The following PGM1 variants were observed in gnomAD, a reference collection of about 807,000 sequenced individuals.
PGM1 encodes the protein phosphoglucomutase-1.
A neutral mutation model predicts 55.6 loss-of-function variants in PGM1; 52 were observed. The ratio of observed to expected loss-of-function variants is 0.94; its 90% confidence interval spans 0.75 to 1.18. The LOEUF (loss-of-function observed/expected upper bound fraction) is 1.18. PGM1 is among the 50% of genes most tolerant of loss of function. The pLI is 0.00. For missense variants in PGM1, 724 were observed against 729.3 expected, an observed-to-expected ratio of 0.99 and a Z score of 0.08; for synonymous variants, 287 against 271.7, an observed-to-expected ratio of 1.06 and a Z score of -0.55.
intron 1 of PGM1, among the ~76,000 whole-genome samples, chr1:63,626,509 A>G (rs1203147764): frequency 2.0e-5 from 3 of 152,024 alleles, no homozygotes; most frequent in Non-Finnish European, 4.4e-5. Flanking sequence ...ACTTAGCATG[A>G]TGTTTTCCAG....
At chr1:63,600,904 TAAG>T (rs1207327085) in intron 1 of PGM1, among the ~76,000 whole-genome samples, 1 of 152,244 alleles carries the variant, frequency 6.6e-6, no homozygotes, top group Non-Finnish European at 1.5e-5. Context: ...CTTGGGATAA[TAAG>T]ATGTGTAATC....
chr1:63,608,226 T>C (rs1476343170), intron 1 of PGM1, among the ~76,000 whole-genome samples: 1 of 152,206 alleles, frequency 6.6e-6, no homozygotes, highest in African/African-American at 2.4e-5. Flanking sequence ...TAAGAGACAG[T>C]TCTTGCTGAG....
chr1:63,641,085 G>T (rs1011622361), intron 7 of PGM1, among the ~76,000 whole-genome samples: 2 of 152,220 alleles, frequency 1.3e-5, no homozygotes, highest in Admixed American at 6.5e-5. Context: ...GCCAAGGGAA[G>T]TCTCTCATGT....
chr1:63,593,727 C>T lies in PGM1; in HGVS notation c.239C>T (p.Ala80Val). The T allele has an allele frequency of 6.3e-7, 1 of 1,595,902 alleles. No individual in the cohort carries two copies. Among genetic ancestry groups the T allele is most frequent in the African/African-American group, 1.3e-5 (1 of 74,712 alleles). Residue 80 changes from alanine to valine, a missense_variant, in exon 1 of 11, where the codon GCC (alanine) becomes GTC (valine). Coordinates refer to ENST00000371084, the MANE Select transcript of PGM1 (RefSeq NM_002633.3). ...CAGCTCATCGCTCGCATCGCTGCCG[C>T]CAACGGGGTAAGGGATGCGCGGCCC... ...AIQLIARIAA[A>V]NGIGRLVIGQ...
chr1:63,636,026 GTTTTAAC>G (rs1649352270), intron 5 of PGM1, among the ~76,000 whole-genome samples: 1 of 152,184 alleles, frequency 6.6e-6, no homozygotes. Context: ...ATTGAAAACA[GTTTTAAC>G]TTTTTGGCAT....
chr1:63,638,616 T>C, intron 6 of PGM1, 69 bp from the exon 7 acceptor site: 1 of 992,404 alleles, frequency 1.0e-6, no homozygotes. Flanking sequence ...ACGATTGCCC[T>C]TTTCCGTCCC....
At chr1:63,615,550 CTTTTTTTTTTTT>C (rs1161161385) in intron 1 of PGM1, among the ~76,000 whole-genome samples, 718 of 63,034 alleles carry the variant, frequency 0.011, 8 homozygotes, top group African/African-American at 0.045. Flanking sequence ...TCTTCTTCTT[CTTTTTTTTTTTT>C]TTTTTTTTTT....
intron 1 of PGM1, among the ~76,000 whole-genome samples, chr1:63,605,995 A>G (rs997861674): frequency 3.3e-5 from 5 of 152,166 alleles, no homozygotes; most frequent in African/African-American, 1.2e-4. Context: ...CTGGACTTGG[A>G]CGGTATCATT....
At chr1:63,628,961 C>T (rs1044666322) in intron 1 of PGM1, among the ~76,000 whole-genome samples, 3 of 152,106 alleles carry the variant, frequency 2.0e-5, no homozygotes, top group African/African-American at 4.8e-5. Context: ...ATAAAATTTG[C>T]CCTTTTTACT....
At chr1:63,613,004 C>T in intron 1 of PGM1, among the ~76,000 whole-genome samples, 1 of 152,138 alleles carries the variant, frequency 6.6e-6, no homozygotes, top group African/African-American at 2.4e-5. Context: ...TATTGACTAT[C>T]TGTATGTGCC....
chr1:63,622,455 C>T (rs1648906387), intron 1 of PGM1, among the ~76,000 whole-genome samples: 1 of 152,170 alleles, frequency 6.6e-6, no homozygotes, highest in South Asian at 2.1e-4. Flanking sequence ...AGGACTTAAA[C>T]TGCTTCCCTA....
At chr1:63,594,788 C>CAAAAAAAA (rs34661751) in intron 1 of PGM1, among the ~76,000 whole-genome samples, 70 of 90,490 alleles carry the variant, frequency 7.7e-4, no homozygotes, top group African/African-American at 2.3e-3. Flanking sequence ...CTAAAAAATA[C>CAAAAAAAA]AAAAAAAAAA....
chr1:63,593,626 C>G lies in PGM1; in HGVS notation c.138C>G (p.Thr46=), dbSNP rs767357022. 4 of 1,612,336 alleles carry G rather than the reference C, an allele frequency of 2.5e-6. No homozygotes were observed. Among genetic ancestry groups the G allele is most frequent in the Middle Eastern group, 1.6e-4 (1 of 6,084 alleles). ...AENFIQSIIS[T]VEPAQRQEAT... ...ACTTCATCCAGAGTATCATCTCCAC[C>G]GTGGAGCCGGCGCAGCGGCAGGAGG... is the stretch of plus-strand genomic sequence containing the variant. Residue 46 remains threonine (T), a synonymous_variant, in exon 1 of 11, where the codon ACC becomes ACG. Coordinates refer to ENST00000371084, the MANE Select transcript of PGM1 (RefSeq NM_002633.3).
intron 10 of PGM1, among the ~76,000 whole-genome samples, chr1:63,655,060 C>T (rs2101003877): frequency 6.6e-6 from 1 of 150,646 alleles, no homozygotes; most frequent in East Asian, 2.0e-4. Flanking sequence ...CATCCACCTT[C>T]TGGGCTCAAG....
chr1:63,603,602 C>T (rs1648302678), intron 1 of PGM1, among the ~76,000 whole-genome samples: 1 of 152,088 alleles, frequency 6.6e-6, no homozygotes, highest in African/African-American at 2.4e-5. Context: ...GGGGGCAAGC[C>T]ATTAACTATC....
chr1:63,610,972 T>A (rs1414153539), intron 1 of PGM1, among the ~76,000 whole-genome samples: 4 of 152,168 alleles, frequency 2.6e-5, no homozygotes, highest in African/African-American at 2.4e-5. Context: ...GTGGTTCTGG[T>A]GAATAGTTGA....
At chr1:63,639,681 T>C (rs769875139) in intron 7 of PGM1, among the ~76,000 whole-genome samples, 5 of 152,146 alleles carry the variant, frequency 3.3e-5, no homozygotes, top group Admixed American at 6.5e-5. Flanking sequence ...CCTATAGTAC[T>C]CTACTGTCAC....
chr1:63,636,128 A>G (rs745426251), intron 5 of PGM1, 106 bp from the exon 6 acceptor site: 29 of 1,110,444 alleles, frequency 2.6e-5, no homozygotes, highest in Non-Finnish European at 3.4e-5. Flanking sequence ...AAGGAGATCA[A>G]TTTCAAATTT....
intron 1 of PGM1, among the ~76,000 whole-genome samples, chr1:63,598,841 C>T (rs1345193721): frequency 6.6e-6 from 1 of 152,112 alleles, no homozygotes; most frequent in Admixed American, 6.6e-5. Flanking sequence ...ACACATGACC[C>T]AGAGGTTAAG....
Sources: allele counts gnomAD v4.1 joint callset (sites outside exome capture counted in the v4.1 genomes callset), GRCh38; gene constraint gnomAD v4.1.1; transcripts MANE v1.5; gene names NCBI Gene and HGNC (gene_info 2026-07-23, HGNC 2026-07-21).